The following SYCN variants were observed in gnomAD, a reference collection of about 807,000 sequenced individuals.
SYCN encodes the protein syncollin.
SYCN carries 16 observed loss-of-function variants against 12.6 expected under a neutral mutation model. That is an observed-to-expected ratio of 1.27 (90% CI 0.86 to 1.92). The LOEUF is 1.92. Among genes scored for constraint, SYCN ranks in the 30% most tolerant of loss-of-function variants. The pLI is 0.00. For synonymous variants in SYCN, 97 were observed against 88.4 expected, an observed-to-expected ratio of 1.10 and a Z score of -0.55; for missense variants, 226 against 181.8, an observed-to-expected ratio of 1.24 and a Z score of -1.40.
intron 1 of SYCN, 53 bp downstream of exon 1, chr19:39,203,807 C>A: frequency 2.0e-6 from 3 of 1,525,206 alleles, no homozygotes; most frequent in Non-Finnish European, 2.6e-6. Flanking sequence ...GGGGCTTATG[C>A]GGAGCTGGGG....
chr19:39,203,832 G>A, intron 1 of SYCN, 28 bp downstream of exon 1: 2 of 1,555,640 alleles, frequency 1.3e-6, no homozygotes, highest in Non-Finnish European at 1.7e-6. Context: ...GGCCTGGGGT[G>A]GGCTCGGAGC....
Position 39,204,113 on chromosome 19 carries a change from A to T in SYCN, c.142T>A (p.Tyr48Asn). ...CAKLYDKSDPYYENCCGGAEL... is the reference protein window; with the variant it reads ...CAKLYDKSDPNYENCCGGAEL... ...GCGCCCCCGCAGCAGTTCTCATAGT[A>T]GGGGTCGCTCTTGTCATAGAGCTTG... The change falls in exon 1 of 2, where the codon TAC becomes AAC. Residue 48 changes from tyrosine (Y) to asparagine (N), a missense_variant. Tyr to Asn is a moderately radical substitution (Grantham distance 143, BLOSUM62 -2). Transcript: ENST00000318438. 2 of 1,613,100 alleles carry T rather than the reference A, an allele frequency of 1.2e-6. No homozygotes were observed. Among genetic ancestry groups the T allele is most frequent in the Non-Finnish European group, 1.7e-6 (2 of 1,179,712 alleles).
intron 1 of SYCN, 80 bp downstream of exon 1, chr19:39,203,780 C>T: frequency 3.4e-6 from 5 of 1,467,210 alleles, no homozygotes; most frequent in Non-Finnish European, 4.5e-6. Context: ...AGCCTCGGGG[C>T]TTGGGTGGTG....
chr19:39,202,906 GC>G lies in SYCN; in HGVS notation c.*80del. ...AACGCTCCTCCTCCTGGGTCTTGGG[GC>G]CCCGGAGCAGAGCCCAGGGATGGGC... On this transcript the variant is annotated 3_prime_UTR_variant, in exon 2 of 2. Transcript: ENST00000318438. The G allele has an allele frequency of 3.3e-6, 5 of 1,519,626 alleles. No homozygotes were observed. Among genetic ancestry groups the G allele is most frequent in the Non-Finnish European group, 1.8e-6 (2 of 1,124,268 alleles). 94.1% of individuals were successfully genotyped at this position (1,519,626 alleles called of 1,614,324 possible). A position where few individuals can be genotyped will look rare whatever the true frequency, so the allele number is the denominator to read the frequency against.
intron 1 of SYCN, among the ~76,000 whole-genome samples, chr19:39,203,602 A>G (rs559346705): frequency 1.6e-4 from 25 of 151,838 alleles, no homozygotes; most frequent in South Asian, 1.5e-3. Flanking sequence ...CTGGGGCGGA[A>G]ATCTCCGTCC....
chr19:39,204,141 GC>G lies in SYCN; in HGVS notation c.113del (p.Cys38SerfsTer82). ...DLKHSDGTRT[C>X]AKLYDKSDPY... ...GGTCGCTCTTGTCATAGAGCTTGGC[GC>G]AAGTGCGCGTCCCGTCCGAGTGCTT... On this transcript the variant is annotated frameshift_variant, in exon 1 of 2. Transcript: ENST00000318438. LOFTEE classifies it high-confidence loss of function. 2 of 1,612,764 alleles carry G rather than the reference GC, an allele frequency of 1.2e-6. No individual in the cohort carries two copies. The highest frequency in any genetic ancestry group is 1.7e-6 in the Non-Finnish European group (2 of 1,179,714).
In SYCN at chr19:39,203,842, C is replaced by G; in HGVS notation, c.395+18G>C. On this transcript the variant is annotated intron_variant, in intron 1 of 1. Coordinates refer to ENST00000318438, the MANE Select transcript of SYCN (RefSeq NM_001080468.4). ...GCCTGGGCCTGGGGTGGGCTCGGAG[C>G]TTTGGGCGGCCGGGCACCTGCAGTA... 6.4e-7 allele frequency: 1 copy of G among 1,566,252 alleles called. No individual in the cohort carries two copies.
chr19:39,203,997 G>C lies in SYCN; in HGVS notation c.258C>G (p.Cys86Trp). ...CTTGCCGGGACCACACGGTGAGCTC[G>C]CAGCGCGGGGCCACCACAAGTGAGG... ...TASSLVVAPR[C>W]ELTVWSRQGK... The change falls in exon 1 of 2, where the codon TGC becomes TGG. Residue 86 changes from cysteine (C) to tryptophan (W), a missense_variant. Coordinates refer to ENST00000318438, the MANE Select transcript of SYCN (RefSeq NM_001080468.4). The C allele has an allele frequency of 6.2e-7, 1 of 1,610,142 alleles. No homozygotes were observed. Among genetic ancestry groups the C allele is most frequent in the Non-Finnish European group, 8.5e-7 (1 of 1,178,458 alleles).
rs775712379 is a variant in SYCN at position 39,204,045 on chromosome 19, G to A, written c.210C>T (p.Pro70=). The part of the protein sequence containing the change: ...LESGADLPYL[P]SNWANTASSL... ...AGGAGGCGGTGTTGGCCCAGTTGGAGGGCAGGTAGGGCAGGTCTGCGCCCG... is the reference window on the plus strand; with the variant it reads ...AGGAGGCGGTGTTGGCCCAGTTGGAAGGCAGGTAGGGCAGGTCTGCGCCCG... The change falls in exon 1 of 2, where the codon CCC becomes CCT. Residue 70 remains proline (P), a synonymous_variant. Transcript: ENST00000318438. The A allele has an allele frequency of 1.9e-5, 31 of 1,612,418 alleles. No homozygotes were observed. Among genetic ancestry groups the A allele is most frequent in the Non-Finnish European group, 2.4e-5 (28 of 1,179,376 alleles).
In SYCN at chr19:39,203,979, G is replaced by A; in HGVS notation, c.276C>T (p.Ser92=). 7 of 1,609,738 alleles carry A rather than the reference G, an allele frequency of 4.3e-6. No homozygotes were observed. In the South Asian group the frequency reaches 7.7e-5, roughly 18 times the overall value. The part of the protein sequence containing the change: ...VAPRCELTVW[S]RQGKAGKTHK... ...GCGTCTTGCCCGCCTTGCCTTGCCG[G>A]GACCACACGGTGAGCTCGCAGCGCG... is the stretch of plus-strand genomic sequence containing the variant. The change falls in exon 1 of 2, where the codon TCC becomes TCT. Residue 92 remains serine (S), a synonymous_variant. Transcript: ENST00000318438.
Position 39,203,866 on chromosome 19 carries a change from T to G in SYCN, c.389A>C (p.Tyr130Ser). The change falls in exon 1 of 2, where the codon TAC becomes TCC. Residue 130 changes from tyrosine to serine, a missense_variant. Physicochemically the swap from Tyr to Ser is moderately radical, Grantham distance 144. Coordinates refer to ENST00000318438, the MANE Select transcript of SYCN (RefSeq NM_001080468.4). ...GCTTTGGGCGGCCGGGCACCTGCAG[T>G]AGAGCGCGGAGATAGCGTTGGACCA... ...GDWSNAISAL[Y>S]CRCS 1 of 1,590,038 alleles carries G rather than the reference T, an allele frequency of 6.3e-7. No homozygotes were observed. Among genetic ancestry groups the G allele is most frequent in the Admixed American group, 1.7e-5 (1 of 58,782 alleles).
At position 39,204,043 on chromosome 19, in the gene SYCN, GAGGGCAGGT is replaced by G. The variant is rs1568543770; in HGVS notation, c.203_211del (p.Tyr68_Pro70del). The G allele has an allele frequency of 6.2e-7, 1 of 1,612,740 alleles. No individual in the cohort carries two copies. The highest frequency in any genetic ancestry group is 2.2e-5 in the East Asian group (1 of 44,852). ...TGAGGAGGCGGTGTTGGCCCAGTTG[GAGGGCAGGT>G]AGGGCAGGTCTGCGCCCGACTCCAG... On this transcript the variant is annotated inframe_deletion, in exon 1 of 2. Transcript: ENST00000318438.
In SYCN at chr19:39,202,928, T is replaced by C. The variant is rs370473097; in HGVS notation, c.*59A>G. The C allele has an allele frequency of 6.7e-5, 104 of 1,563,254 alleles. No homozygotes were observed. In the African/African-American group the frequency reaches 1.4e-3, roughly 21 times the overall value. ...GGGGCCCCGGAGCAGAGCCCAGGGA[T>C]GGGCTGAGTGAGGGGCTTGGCACTC... is the stretch of plus-strand genomic sequence containing the variant. On this transcript the variant is annotated 3_prime_UTR_variant, in exon 2 of 2. Transcript: ENST00000318438.
intron 1 of SYCN, 138 bp downstream of exon 1, chr19:39,203,722 G>A: frequency 9.5e-7 from 1 of 1,052,936 alleles, no homozygotes; most frequent in Non-Finnish European, 1.3e-6. Flanking sequence ...CTGGTTCTAG[G>A]GAGGCCTGGT....
chr19:39,202,976 C>T lies in SYCN; in HGVS notation c.*11G>A. ...CTCTGTGGAAGCTGCAGATGAGAGA[C>T]CAGCAATGCATCAGCTGCACCTGAA... On this transcript the variant is annotated 3_prime_UTR_variant, in exon 2 of 2. Coordinates refer to ENST00000318438, the MANE Select transcript of SYCN (RefSeq NM_001080468.4). 1 of 1,581,410 alleles carries T rather than the reference C, an allele frequency of 6.3e-7. No homozygotes were observed. Among genetic ancestry groups the T allele is most frequent in the South Asian group, 1.2e-5 (1 of 86,102 alleles).
chr19:39,203,945 A>C lies in SYCN; in HGVS notation c.310T>G (p.Ser104Ala). 6.2e-7 allele frequency: 1 copy of C among 1,610,300 alleles called. No homozygotes were observed. Among genetic ancestry groups the C allele is most frequent in the Non-Finnish European group, 8.5e-7 (1 of 1,178,510 alleles). ...QGKAGKTHKF[S>A]AGTYPRLEEY... ...TCCAGGCGCGGGTAGGTGCCGGCAG[A>C]GAACTTGTGCGTCTTGCCCGCCTTG... The change falls in exon 1 of 2, where the codon TCT becomes GCT. Residue 104 changes from serine to alanine, a missense_variant. Coordinates refer to ENST00000318438, the MANE Select transcript of SYCN (RefSeq NM_001080468.4).
Position 39,203,953 on chromosome 19 carries a change from T to G in SYCN, c.302A>C (p.His101Pro). The change falls in exon 1 of 2, where the codon CAC (histidine) becomes CCC (proline). Residue 101 changes from histidine to proline, a missense_variant. Physicochemically the swap from His to Pro is moderately conservative, Grantham distance 77. Transcript: ENST00000318438. ...WSRQGKAGKTHKFSAGTYPRL... is the reference protein window; with the variant it reads ...WSRQGKAGKTPKFSAGTYPRL... ...CGGGTAGGTGCCGGCAGAGAACTTGTGCGTCTTGCCCGCCTTGCCTTGCCG... is the reference window on the plus strand; with the variant it reads ...CGGGTAGGTGCCGGCAGAGAACTTGGGCGTCTTGCCCGCCTTGCCTTGCCG... 2 of 1,609,720 alleles carry G rather than the reference T, an allele frequency of 1.2e-6. No individual in the cohort carries two copies. Among genetic ancestry groups the G allele is most frequent in the East Asian group, 2.2e-5 (1 of 44,714 alleles).
intron 1 of SYCN, 86 bp from the exon 2 acceptor site, chr19:39,203,082 T>G: frequency 7.2e-7 from 1 of 1,398,522 alleles, no homozygotes; most frequent in Admixed American, 2.0e-5. Context: ...GGGTGGGGGC[T>G]GGGGAGTCTG....
chr19:39,203,538 G>A (rs1430011684), intron 1 of SYCN, among the ~76,000 whole-genome samples: 2 of 152,048 alleles, frequency 1.3e-5, no homozygotes, highest in Non-Finnish European at 2.9e-5. Context: ...AGCTGTGGGC[G>A]GGTGGGTAGG....
Sources: gnomAD v4.1 joint callset for allele counts (sites outside exome capture counted in the v4.1 genomes callset) on GRCh38, gnomAD v4.1.1 for gene constraint, MANE v1.5 for transcripts, NCBI Gene and HGNC (gene_info 2026-07-23, HGNC 2026-07-21) for gene names.